The following ARHGAP35 variants were observed in gnomAD, a reference collection of about 807,000 sequenced individuals.
ARHGAP35 encodes rho GTPase-activating protein 35.
ARHGAP35 carries 15 observed loss-of-function variants against 111.1 expected under a neutral mutation model. The ratio of observed to expected loss-of-function variants is 0.13; its 90% CI spans 0.09 to 0.21. ARHGAP35 has a LOEUF of 0.21. Ranked by LOEUF, ARHGAP35 falls within the 10% of genes least tolerant of loss-of-function variation. ARHGAP35 has a pLI of 1.00. For missense variants in ARHGAP35, 1,262 were observed against 1,873.0 expected (o/e 0.67, Z 6.02); for synonymous variants, 643 against 710.3 (o/e 0.91, Z 1.51).
intron 3 of ARHGAP35, among the ~76,000 whole-genome samples, chr19:46,965,375 TA>T (rs1053303441): frequency 6.6e-6 from 1 of 152,276 alleles, no homozygotes; most frequent in African/African-American, 2.4e-5. Flanking sequence ...CTTGTTTTTA[TA>T]CCAAAATCAT....
chr19:46,899,535 A>G (rs1026864217), intron 1 of ARHGAP35, among the ~76,000 whole-genome samples: 1 of 152,010 alleles, frequency 6.6e-6, no homozygotes, highest in Non-Finnish European at 1.5e-5. Context: ...CTCTACAAAA[A>G]AAATACAAAA....
intron 3 of ARHGAP35, among the ~76,000 whole-genome samples, chr19:46,969,889 G>A (rs901251564): frequency 2.6e-5 from 4 of 152,176 alleles, no homozygotes; most frequent in Non-Finnish European, 4.4e-5. Flanking sequence ...GCCAAGGCAA[G>A]TGAGGCAGCA....
intron 1 of ARHGAP35, among the ~76,000 whole-genome samples, chr19:46,905,663 C>G (rs891014412): frequency 1.3e-5 from 2 of 151,996 alleles, no homozygotes; most frequent in East Asian, 3.9e-4. Flanking sequence ...GATTCTGGTG[C>G]CTCAGCTTCC....
intron 3 of ARHGAP35, among the ~76,000 whole-genome samples, chr19:46,960,893 CTT>C (rs1304320167): frequency 1.1e-4 from 15 of 132,436 alleles, no homozygotes; most frequent in African/African-American, 8.3e-5. Flanking sequence ...ATTTCTTTGG[CTT>C]TTTTTTTTTT....
rs1176657359 is a variant in ARHGAP35 at position 46,921,587 on chromosome 19, C to G, written c.2912C>G (p.Pro971Arg). 2 of 1,613,976 alleles carry G rather than the reference C, an allele frequency of 1.2e-6. No homozygotes were observed. Among genetic ancestry groups the G allele is most frequent in the South Asian group, 1.1e-5 (1 of 91,074 alleles). Reference sequence around the variant, plus strand: ...ACCACCGAAGAGGTGTTTAACTCCCCCCGGGCAGGATCACCGCTCTGCAAC... The same window carrying G: ...ACCACCGAAGAGGTGTTTAACTCCCGCCGGGCAGGATCACCGCTCTGCAAC... ...CSTTEEVFNS[P>R]RAGSPLCNSN... The change falls in exon 2 of 7, where the codon CCC (proline) becomes CGC (arginine). Residue 971 changes from proline (P) to arginine (R), a missense_variant. By Grantham distance (103) the Pro-to-Arg change is moderately radical. Transcript: ENST00000672722. This position sits in a 1 kb window ranked among gnomAD's most constrained non-coding sequence, Gnocchi z 4.3.
chr19:46,875,855 G>T (rs1191776429), intron 1 of ARHGAP35, among the ~76,000 whole-genome samples: 28 of 152,120 alleles, frequency 1.8e-4, no homozygotes, highest in Non-Finnish European at 2.9e-5. Context: ...TGTACAACTT[G>T]TAATTTGCCC....
intron 5 of ARHGAP35, among the ~76,000 whole-genome samples, chr19:46,998,200 G>A (rs992795338): frequency 8.5e-5 from 13 of 152,118 alleles, no homozygotes; most frequent in African/African-American, 2.7e-4. Flanking sequence ...GTCTCCGGCC[G>A]AGACGGTCTG....
In ARHGAP35 at chr19:47,001,472, CGGGA is replaced by C; in HGVS notation, c.*795_*798del. On this transcript the variant is annotated 3_prime_UTR_variant, in exon 7 of 7. Transcript: ENST00000672722. This position sits in a 1 kb window ranked among gnomAD's most constrained non-coding sequence, Gnocchi z 5.4. The stretch of plus-strand genomic sequence containing the variant: ...GATTCCACTCTGTGCCCGCCTCTGC[CGGGA>C]GGGAGGGAGGCACACAGGTGGAGCT... The C allele has an allele frequency of 2.6e-6, 3 of 1,158,746 alleles. No individual in the cohort carries two copies. The highest frequency in any genetic ancestry group is 3.4e-6 in the Non-Finnish European group (3 of 874,464). The allele number at this position is 1,158,746 out of a possible 1,614,324, so 71.8% of individuals were successfully genotyped here.
In ARHGAP35 at chr19:46,992,325, G is replaced by A. The variant is rs568972766; in HGVS notation, c.4036+2650G>A. On this transcript the variant is annotated intron_variant, in intron 5 of 6. Coordinates refer to ENST00000672722, the MANE Select transcript of ARHGAP35 (RefSeq NM_004491.5). The surrounding 1 kb of genome is among the most constrained non-coding windows in gnomAD (Gnocchi z 4.4). The stretch of plus-strand genomic sequence containing the variant: ...AGCCGGGGCTTGAGTCCCTGCGTAC[G>A]TGGGTGCAAATGAAGTTCTCTGAAG... 6.6e-5 allele frequency among the ~76,000 whole-genome samples: 10 copies of A among 152,316 alleles called. No homozygotes were observed. The highest frequency in any genetic ancestry group is 6.2e-4 in the South Asian group (3 of 4,830).
rs148586910 is a variant in ARHGAP35, at chr19:46,902,725, T to A, written c.-188-15763T>A. 3.7e-4 allele frequency among the ~76,000 whole-genome samples: 56 copies of A among 152,300 alleles called. No individual in the cohort carries two copies. The East Asian group carries it at 9.8e-3, about 27-fold the overall frequency. ...GGCTTGACAAGCCATGACACATATA[T>A]TTTAATCGCCACGGCCCCCTCTAAT... On this transcript the variant is annotated intron_variant, in intron 1 of 6. Coordinates refer to ENST00000672722, the MANE Select transcript of ARHGAP35 (RefSeq NM_004491.5).
chr19:46,974,653 C>T (rs1018240783), intron 3 of ARHGAP35, among the ~76,000 whole-genome samples: 5 of 152,044 alleles, frequency 3.3e-5, no homozygotes, highest in Non-Finnish European at 5.9e-5. Context: ...GTGTTTATGG[C>T]GTTTCTGTGA....
chr19:46,904,717 A>C (rs549611102), intron 1 of ARHGAP35, among the ~76,000 whole-genome samples: 1 of 152,334 alleles, frequency 6.6e-6, no homozygotes, highest in East Asian at 1.9e-4. Context: ...AGAGTGAAAC[A>C]GCAGGACAGA....
Position 46,999,226 on chromosome 19 carries a change from G to A in ARHGAP35, c.4037-78G>A, listed in dbSNP as rs192198944. 2,722 of 921,640 alleles carry A rather than the reference G, an allele frequency of 3.0e-3. 9 individuals carry two copies. Among genetic ancestry groups the A allele is most frequent in the Middle Eastern group, 5.4e-3 (24 of 4,476 alleles). The allele number at this position is 921,640 out of a possible 1,614,324, so 57.1% of individuals were successfully genotyped here. ...AAGCCCTGGGCTGTCCTCAGAGAAG[G>A]CCCATCACAGAGCACGCCCTGGGGT... On this transcript the variant is annotated intron_variant, in intron 5 of 6. Transcript: ENST00000672722. The surrounding 1 kb of genome is among the most constrained non-coding windows in gnomAD (Gnocchi z 5.4).
chr19:46,981,573 G>T (rs2056620500), intron 3 of ARHGAP35, among the ~76,000 whole-genome samples: 1 of 152,146 alleles, frequency 6.6e-6, no homozygotes, highest in Admixed American at 6.6e-5. Flanking sequence ...AAACCTGTTT[G>T]GATATTTCAG....
intron 3 of ARHGAP35, among the ~76,000 whole-genome samples, chr19:46,984,437 A>G (rs1450865408): frequency 6.6e-6 from 1 of 152,168 alleles, no homozygotes; most frequent in Non-Finnish European, 1.5e-5. Flanking sequence ...GGCCTTTGGC[A>G]AGCTGCCCGT....
chr19:46,978,707 G>GTGTGTGTGGTGGGGTT, intron 3 of ARHGAP35, among the ~76,000 whole-genome samples: 1 of 142,944 alleles, frequency 7.0e-6, no homozygotes, highest in Middle Eastern at 4.0e-3. Flanking sequence ...GGTGGGGCAT[G>GTGTGTGTGGTGGGGTT]TGTGTGGTGG....
At chr19:46,963,193 A>G (rs557247869) in intron 3 of ARHGAP35, among the ~76,000 whole-genome samples, 79 of 152,076 alleles carry the variant, frequency 5.2e-4, no homozygotes, top group Non-Finnish European at 5.6e-4. Context: ...TGGGGGTTCT[A>G]TCTGGAAACC....
intron 3 of ARHGAP35, among the ~76,000 whole-genome samples, chr19:46,980,046 G>T (rs549593718): frequency 6.6e-6 from 1 of 152,108 alleles, no homozygotes; most frequent in Non-Finnish European, 1.5e-5. Flanking sequence ...AGAGGAGGCC[G>T]TCGTTCTTCT....
chr19:46,979,794 C>G (rs775446980), intron 3 of ARHGAP35, among the ~76,000 whole-genome samples: 2 of 152,110 alleles, frequency 1.3e-5, no homozygotes, highest in Non-Finnish European at 2.9e-5. Context: ...GGCCTTCTAT[C>G]ATGGGGGGAA....
Sources: gnomAD v4.1 joint callset for allele counts (sites outside exome capture counted in the v4.1 genomes callset) on GRCh38, gnomAD v4.1.1 for gene constraint, Gnocchi (gnomAD v3.1) non-coding constraint, MANE v1.5 for transcripts, NCBI Gene and HGNC (gene_info 2026-07-23, HGNC 2026-07-21) for gene names.